PCDH19: variants seen among roughly 807,000 people sequenced by gnomAD.
The protein encoded by PCDH19 is protocadherin-19.
PCDH19 carries 6 observed loss-of-function variants against 46.2 expected under a neutral mutation model. The ratio of observed to expected loss-of-function variants is 0.13; its 90% CI spans 0.07 to 0.26. The LOEUF (loss-of-function observed/expected upper bound fraction) is 0.26. PCDH19 is among the 10% of genes least tolerant of loss of function. PCDH19 has a pLI of 1.00. For synonymous variants in PCDH19, 481 were observed against 415.7 expected (o/e 1.16, Z -1.91); for missense variants, 740 against 972.3 (o/e 0.76, Z 3.18).
At chrX:100,341,673 A>G (rs1459501878) in intron 5 of PCDH19, among the ~76,000 whole-genome samples, 1 of 111,891 alleles carries the variant, frequency 8.9e-6, no homozygotes, top group Non-Finnish European at 1.9e-5. Context: ...ACATGTAGTC[A>G]GCTTCTAAAG....
intron 3 of PCDH19, among the ~76,000 whole-genome samples, chrX:100,391,592 C>T (rs1037822998): frequency 1.8e-5 from 2 of 111,852 alleles, no homozygotes; most frequent in African/African-American, 6.5e-5. Context: ...TATATGAAGC[C>T]CTTCAAACCA....
chrX:100,352,359 G>A (rs1002592430), intron 3 of PCDH19, among the ~76,000 whole-genome samples: 2 of 112,389 alleles, frequency 1.8e-5, no homozygotes, highest in Non-Finnish European at 1.9e-5. Flanking sequence ...GAGTTAATTC[G>A]TTGTACCAAC....
chrX:100,379,347 A>ACAC (rs66715683), intron 3 of PCDH19, among the ~76,000 whole-genome samples: 13,477 of 64,983 alleles, frequency 0.21, 890 homozygotes, highest in Middle Eastern at 0.34. Flanking sequence ...ACACACACAC[A>ACAC]CATTTCCTCC....
chrX:100,346,018 G>A (rs1243088100), intron 4 of PCDH19, among the ~76,000 whole-genome samples: 1 of 112,223 alleles, frequency 8.9e-6, no homozygotes, highest in African/African-American at 3.2e-5. Context: ...ATACCTCTTG[G>A]GAGATGAAGG....
chrX:100,307,651 C>T (rs58946165), intron 5 of PCDH19, among the ~76,000 whole-genome samples: 4,739 of 110,772 alleles, frequency 0.043, 252 homozygotes, highest in East Asian at 0.25. Context: ...AAAACCCTAA[C>T]GAGTCATCCA....
At chrX:100,332,115 C>T (rs1307365640) in intron 5 of PCDH19, among the ~76,000 whole-genome samples, 1 of 112,263 alleles carries the variant, frequency 8.9e-6, no homozygotes, top group Non-Finnish European at 1.9e-5. Context: ...TTGGGCAAGT[C>T]CTGACCCTGG....
chrX:100,334,820 A>C (rs1409853131), intron 5 of PCDH19, among the ~76,000 whole-genome samples: 3 of 96,452 alleles, frequency 3.1e-5, no homozygotes, highest in Non-Finnish European at 6.2e-5. Flanking sequence ...ATATACATAT[A>C]GATATACACA....
chrX:100,406,930 G>A lies in PCDH19; in HGVS notation c.1668C>T (p.Val556=), dbSNP rs1468984936. 2 of 1,210,042 alleles carry A rather than the reference G, an allele frequency of 1.7e-6. No individual in the cohort carries two copies. The highest frequency in any genetic ancestry group is 3.5e-5 in the African/African-American group (2 of 57,188). ...CTGTGATGACCGGGGTGTTGTCGTT[G>A]ACGTCGAGGATGATGACCCGCACCG... ...NATVRVIILD[V]NDNTPVITAP... is the part of the protein sequence containing the mutation. The change falls in exon 1 of 6, where the codon GTC becomes GTT. Residue 556 remains valine, a synonymous_variant. Transcript: ENST00000373034.
At chrX:100,320,121 C>A (rs778048457) in intron 5 of PCDH19, among the ~76,000 whole-genome samples, 1 of 111,721 alleles carries the variant, frequency 9.0e-6, no homozygotes, top group South Asian at 3.8e-4. Flanking sequence ...TTATTACAGC[C>A]CAAAGCCCCA....
At chrX:100,370,570 C>T (rs992426565) in intron 3 of PCDH19, among the ~76,000 whole-genome samples, 2 of 111,451 alleles carry the variant, frequency 1.8e-5, no homozygotes, top group African/African-American at 6.5e-5. Flanking sequence ...AACTTGTTTC[C>T]CAGTTAATGT....
intron 5 of PCDH19, among the ~76,000 whole-genome samples, chrX:100,321,745 G>C (rs931427148): frequency 1.2e-4 from 12 of 104,160 alleles, no homozygotes; most frequent in Non-Finnish European, 2.2e-4. Flanking sequence ...CTTTTGCAGT[G>C]CAAAAGCTCT....
rs769558161 is a variant in PCDH19, at chrX:100,343,105, G to T, written c.2676-1030C>A. Among the ~76,000 whole-genome samples, 4 of 111,452 alleles carry T rather than the reference G, an allele frequency of 3.6e-5. No homozygotes were observed. The South Asian group carries it at 1.5e-3, about 42-fold the overall frequency. The stretch of plus-strand genomic sequence containing the variant: ...TGTTCTCTGCCTTACTGCTTGAACT[G>T]GGACATTAATCATCTCCCGCCTTCA... On this transcript the variant is annotated intron_variant, in intron 4 of 5. Coordinates refer to ENST00000373034, the MANE Select transcript of PCDH19 (RefSeq NM_001184880.2).
chrX:100,319,922 G>A (rs1437056760), intron 5 of PCDH19, among the ~76,000 whole-genome samples: 1 of 112,118 alleles, frequency 8.9e-6, no homozygotes, highest in Non-Finnish European at 1.9e-5. Flanking sequence ...AAGGGAGAAG[G>A]AAGATGAGAA....
At chrX:100,356,117 G>A (rs974911417) in intron 3 of PCDH19, among the ~76,000 whole-genome samples, 1 of 110,595 alleles carries the variant, frequency 9.0e-6, no homozygotes, top group Non-Finnish European at 1.9e-5. Flanking sequence ...TTAAAACTGA[G>A]GTTACTCAAA....
intron 3 of PCDH19, among the ~76,000 whole-genome samples, chrX:100,366,960 G>A (rs1927083330): frequency 8.9e-6 from 1 of 112,305 alleles, no homozygotes; most frequent in African/African-American, 3.2e-5. Flanking sequence ...CGGATCAAAA[G>A]ACAAAAAAGT....
At chrX:100,404,106 G>A (rs924658491) in intron 1 of PCDH19, among the ~76,000 whole-genome samples, 5 of 111,669 alleles carry the variant, frequency 4.5e-5, no homozygotes, top group African/African-American at 9.8e-5. Context: ...GAGGTTCTGC[G>A]GAGGCTTAGA....
intron 5 of PCDH19, among the ~76,000 whole-genome samples, chrX:100,325,838 T>C (rs1925679513): frequency 1.8e-5 from 2 of 112,081 alleles, no homozygotes; most frequent in South Asian, 7.4e-4. Context: ...TGCCTCTGTG[T>C]TATAAGTTGT....
intron 3 of PCDH19, among the ~76,000 whole-genome samples, chrX:100,371,666 C>A (rs1255186878): frequency 9.0e-6 from 1 of 110,957 alleles, no homozygotes; most frequent in African/African-American, 3.3e-5. Context: ...TTCTAAAATA[C>A]CATACATTTC....
At chrX:100,320,572 A>G (rs1280571219) in intron 5 of PCDH19, among the ~76,000 whole-genome samples, 1 of 111,820 alleles carries the variant, frequency 8.9e-6, no homozygotes, top group East Asian at 2.8e-4. Context: ...CAAAATGCCC[A>G]TATAGTACCA....
Sources: gnomAD v4.1 joint callset for allele counts (sites outside exome capture counted in the v4.1 genomes callset) on GRCh38, gnomAD v4.1.1 for gene constraint, MANE v1.5 for transcripts, NCBI Gene and HGNC (gene_info 2026-07-23, HGNC 2026-07-21) for gene names.